Variants in CYSTM1 observed in about 807,000 individuals in gnomAD.
CYSTM1 encodes the protein cysteine rich transmembrane module containing 1.
Under a neutral mutation model 13.1 loss-of-function variants are expected in CYSTM1, and 4 were observed. The ratio of observed to expected loss-of-function variants is 0.31; its 90% confidence interval spans 0.15 to 0.70. CYSTM1 has a LOEUF of 0.70. Among genes scored for constraint, CYSTM1 ranks in the 30% least tolerant of loss-of-function variants. The probability of loss-of-function intolerance (pLI) is 0.72; values close to 1 mark genes in which losing one functional copy is unlikely to be tolerated. For missense variants in CYSTM1, 96 were observed against 121.6 expected, an observed-to-expected ratio of 0.79 and a Z score of 0.99; for synonymous variants, 36 against 42.7, an observed-to-expected ratio of 0.84 and a Z score of 0.62.
At position 140,239,366 on chromosome 5, in the gene CYSTM1, A is replaced by G. The variant is rs965906540; in HGVS notation, c.188-3939A>G. On this transcript the variant is annotated intron_variant, in intron 2 of 2. Coordinates refer to ENST00000261811, the MANE Select transcript of CYSTM1 (RefSeq NM_032412.4). The surrounding 1 kb of genome is among the most constrained non-coding windows in gnomAD (Gnocchi z 5.4). ...CCAGGTTTCTGAGTAGCCCATGTGA[A>G]TGTCATCTCTGGGAATGTACAATAC... is the stretch of plus-strand genomic sequence containing the variant. Among the ~76,000 whole-genome samples the G allele has an allele frequency of 1.3e-5, 2 of 152,086 alleles. No individual in the cohort carries two copies. Among genetic ancestry groups the G allele is most frequent in the African/African-American group, 2.4e-5 (1 of 41,418 alleles).
chr5:140,193,443 C>T (rs1398333774), intron 1 of CYSTM1, among the ~76,000 whole-genome samples: 3 of 152,130 alleles, frequency 2.0e-5, no homozygotes, highest in African/African-American at 4.8e-5. Context: ...CCACCATGCC[C>T]GGCTAATTTT....
intron 2 of CYSTM1, among the ~76,000 whole-genome samples, chr5:140,232,866 T>C (rs1764632999): frequency 6.6e-6 from 1 of 152,166 alleles, no homozygotes; most frequent in African/African-American, 2.4e-5. Flanking sequence ...CAGGCTAATG[T>C]CACTCAGCTT....
At position 140,219,705 on chromosome 5, in the gene CYSTM1, T is replaced by C. The variant is rs1764468531; in HGVS notation, c.188-23600T>C. ...CTTTTGAAGCCAGTTATGGTCTGTA[T>C]ACCTAAGATAAAACACGTTTTATGT... On this transcript the variant is annotated intron_variant, in intron 2 of 2. Coordinates refer to ENST00000261811, the MANE Select transcript of CYSTM1 (RefSeq NM_032412.4). This position sits in a 1 kb window ranked among gnomAD's most constrained non-coding sequence, Gnocchi z 4.1. Among the ~76,000 whole-genome samples the C allele has an allele frequency of 6.6e-6, 1 of 152,224 alleles. No individual in the cohort carries two copies. Among genetic ancestry groups the C allele is most frequent in the South Asian group, 2.1e-4 (1 of 4,828 alleles).
In CYSTM1 at chr5:140,178,718, A is replaced by G. The variant is rs1366906192; in HGVS notation, c.-21+3433A>G. ...TGGGCTCAAGCCATCCTCCCGACTC[A>G]GTCTCCTGAGTAGCTGGGACTACAG... On this transcript the variant is annotated intron_variant, in intron 1 of 2. Coordinates refer to ENST00000261811, the MANE Select transcript of CYSTM1 (RefSeq NM_032412.4). Among the ~76,000 whole-genome samples, 7 of 151,932 alleles carry G rather than the reference A, an allele frequency of 4.6e-5. No homozygotes were observed. The East Asian group carries it at 9.7e-4, about 21-fold the overall frequency.
intron 1 of CYSTM1, among the ~76,000 whole-genome samples, chr5:140,187,095 C>G (rs1296364724): frequency 1.3e-5 from 2 of 152,054 alleles, no homozygotes; most frequent in Non-Finnish European, 2.9e-5. Flanking sequence ...CACTGCCCTC[C>G]AGCCTGGGCG....
rs1447569506 is a variant in CYSTM1, at chr5:140,177,073, A to AAAAAAACAAAAAAAAAACAAAC, written c.-21+1794_-21+1795insCAAAAAAAAAACAAACAAAAAA. 3.7e-3 allele frequency among the ~76,000 whole-genome samples: 558 copies of AAAAAAACAAAAAAAAAACAAAC among 150,612 alleles called. 12 individuals carry two copies. Among genetic ancestry groups the AAAAAAACAAAAAAAAAACAAAC allele is most frequent in the African/African-American group, 0.013 (542 of 40,782 alleles). On this transcript the variant is annotated intron_variant, in intron 1 of 2. Coordinates refer to ENST00000261811, the MANE Select transcript of CYSTM1 (RefSeq NM_032412.4). ...GACAGAGCGAGACTCTGTCTCAAAA[A>AAAAAAACAAAAAAAAAACAAAC]AAAAAAAAAAAAAATCTCTAGTCCT...
chr5:140,215,202 C>G (rs953502533), intron 2 of CYSTM1, among the ~76,000 whole-genome samples: 5 of 152,264 alleles, frequency 3.3e-5, no homozygotes, highest in African/African-American at 7.2e-5. Flanking sequence ...GAATTTGGTG[C>G]CTTTTAAAAA....
intron 2 of CYSTM1, among the ~76,000 whole-genome samples, chr5:140,211,888 A>C (rs772522322): frequency 2.0e-5 from 3 of 152,242 alleles, no homozygotes; most frequent in Non-Finnish European, 2.9e-5. Flanking sequence ...CAGAGGTTGC[A>C]GTGAGCCAAG....
chr5:140,233,378 C>G (rs1764639587), intron 2 of CYSTM1, among the ~76,000 whole-genome samples: 1 of 152,154 alleles, frequency 6.6e-6, no homozygotes, highest in Non-Finnish European at 1.5e-5. Flanking sequence ...TAGAGGTACC[C>G]CAGTTATTCA....
chr5:140,243,507 T>A lies in CYSTM1; in HGVS notation c.*96T>A. 1.0e-6 allele frequency: 1 copy of A among 989,140 alleles called. No homozygotes were observed. The highest frequency in any genetic ancestry group is 1.5e-6 in the Non-Finnish European group (1 of 658,956). The allele number at this position is 989,140 out of a possible 1,614,324, so 61.3% of individuals were successfully genotyped here. Reference sequence around the variant, plus strand: ...CTTCTGATTGCTGTTAACAAATGACTAGCTTTGCACAGACACCTCTACCTT... The same window carrying A: ...CTTCTGATTGCTGTTAACAAATGACAAGCTTTGCACAGACACCTCTACCTT... On this transcript the variant is annotated 3_prime_UTR_variant, in exon 3 of 3. Transcript: ENST00000261811.
chr5:140,210,193 T>A (rs1204028729), intron 2 of CYSTM1, among the ~76,000 whole-genome samples: 1 of 152,246 alleles, frequency 6.6e-6, no homozygotes, highest in African/African-American at 2.4e-5. Flanking sequence ...TGGCTACCAC[T>A]ATAATGTAGA....
rs751415100 is a variant in CYSTM1 at position 140,243,400 on chromosome 5, A to G, written c.283A>G (p.Met95Val). Residue 95 changes from methionine (M) to valine (V), a missense_variant, in exon 3 of 3, where the codon ATG becomes GTG. Coordinates refer to ENST00000261811, the MANE Select transcript of CYSTM1 (RefSeq NM_032412.4). ...TCTCTGTTGCTGCTGTCTCTGGGAC[A>G]TGCTCACCTGACCAGACCAGCCCAG... ...TALCCCCLWDMLT is the reference protein window; with the variant it reads ...TALCCCCLWDVLT 6.2e-7 allele frequency: 1 copy of G among 1,614,020 alleles called. No individual in the cohort carries two copies. The highest frequency in any genetic ancestry group is 2.2e-5 in the East Asian group (1 of 44,870).
At position 140,175,890 on chromosome 5, in the gene CYSTM1, G is replaced by A. The variant is rs1285003476; in HGVS notation, c.-21+605G>A. 6.6e-6 allele frequency among the ~76,000 whole-genome samples: 1 copy of A among 152,202 alleles called. No homozygotes were observed. Among genetic ancestry groups the A allele is most frequent in the African/African-American group, 2.4e-5 (1 of 41,456 alleles). ...GAGAGCCGTGGATTGGGATCTGAGC[G>A]GACCTGTTGGAGGAAGTGAAATCTG... is the stretch of plus-strand genomic sequence containing the variant. On this transcript the variant is annotated intron_variant, in intron 1 of 2. Transcript: ENST00000261811. This position sits in a 1 kb window ranked among gnomAD's most constrained non-coding sequence, Gnocchi z 4.9.
chr5:140,179,115 G>T (rs1165333004), intron 1 of CYSTM1, among the ~76,000 whole-genome samples: 2 of 151,646 alleles, frequency 1.3e-5, no homozygotes, highest in Non-Finnish European at 2.9e-5. Flanking sequence ...TTAAAAATTA[G>T]CTGGGCATGT....
At chr5:140,198,066 C>T (rs1764177406) in intron 2 of CYSTM1, among the ~76,000 whole-genome samples, 1 of 152,148 alleles carries the variant, frequency 6.6e-6, no homozygotes, top group Non-Finnish European at 1.5e-5. Context: ...AATAAGGTCT[C>T]CCAGAAGAGC....
Position 140,239,935 on chromosome 5 carries a change from G to A in CYSTM1, c.188-3370G>A, listed in dbSNP as rs958964438. Among the ~76,000 whole-genome samples, 3 of 152,188 alleles carry A rather than the reference G, an allele frequency of 2.0e-5. No homozygotes were observed. The highest frequency in any genetic ancestry group is 2.1e-4 in the South Asian group (1 of 4,836). On this transcript the variant is annotated intron_variant, in intron 2 of 2. Transcript: ENST00000261811. The surrounding 1 kb of genome is among the most constrained non-coding windows in gnomAD (Gnocchi z 5.4). Reference sequence around the variant, plus strand: ...AGGGTGGTCTGAGACACTAGATAGCGAATGAGGGATGAGCCTTTTGGCGCT... The same window carrying A: ...AGGGTGGTCTGAGACACTAGATAGCAAATGAGGGATGAGCCTTTTGGCGCT...
chr5:140,179,175 G>A (rs1309854331), intron 1 of CYSTM1, among the ~76,000 whole-genome samples: 3 of 151,938 alleles, frequency 2.0e-5, no homozygotes, highest in African/African-American at 7.3e-5. Context: ...TGGGAGGATC[G>A]CTGGAGCCCA....
At chr5:140,188,584 G>A (rs1764050865) in intron 1 of CYSTM1, among the ~76,000 whole-genome samples, 1 of 152,040 alleles carries the variant, frequency 6.6e-6, no homozygotes, top group South Asian at 2.1e-4. Context: ...GAGGTCAGGA[G>A]ATCGAGACCA....
chr5:140,208,825 G>C, intron 2 of CYSTM1, among the ~76,000 whole-genome samples: 1 of 152,166 alleles, frequency 6.6e-6, no homozygotes. Context: ...GGATCACGAG[G>C]TCAGGAGATT....
Sources: gnomAD v4.1 joint callset for allele counts (sites outside exome capture counted in the v4.1 genomes callset) on GRCh38, gnomAD v4.1.1 for gene constraint, Gnocchi (gnomAD v3.1) non-coding constraint, MANE v1.5 for transcripts, NCBI Gene and HGNC (gene_info 2026-07-23, HGNC 2026-07-21) for gene names.